EPS8L2: variants seen among roughly 807,000 people sequenced by gnomAD.
EPS8L2 encodes EPS8 signaling adaptor L2.
A neutral mutation model predicts 99.4 loss-of-function variants in EPS8L2; 81 were observed. The ratio of observed to expected loss-of-function variants is 0.82; its 90% CI spans 0.68 to 0.98. EPS8L2 has a LOEUF of 0.98. EPS8L2 is among the 50% of genes least tolerant of loss of function. The probability of loss-of-function intolerance (pLI) is 0.00; values close to 1 mark genes in which losing one functional copy is unlikely to be tolerated. For missense variants in EPS8L2, 1,155 were observed against 968.8 expected (o/e 1.19, Z -2.55); for synonymous variants, 509 against 407.3 (o/e 1.25, Z -3.01).
intron 17 of EPS8L2, 47 bp from the exon 18 acceptor site, chr11:726,051 A>C (rs1370527772): frequency 1.9e-6 from 2 of 1,074,952 alleles, no homozygotes; most frequent in East Asian, 6.4e-5. Flanking sequence ...AGGTGCTGGG[A>C]GGCGGGGGCG....
rs777789035 is a variant in EPS8L2 at position 720,907 on chromosome 11, G to C, written c.555G>C (p.Leu185=). 1 of 1,453,874 alleles carries C rather than the reference G, an allele frequency of 6.9e-7. No homozygotes were observed. Among genetic ancestry groups the C allele is most frequent in the East Asian group, 2.6e-5 (1 of 38,802 alleles). 90.1% of individuals were successfully genotyped at this position (1,453,874 alleles called of 1,614,324 possible). A position where few individuals can be genotyped will look rare whatever the true frequency, so the allele number is the denominator to read the frequency against. Residue 185 remains leucine (L), a splice_region_variant and synonymous_variant, in exon 7 of 21, where the codon CTG becomes CTC. Coordinates refer to ENST00000318562, the MANE Select transcript of EPS8L2 (RefSeq NM_022772.4). ...GCAAGAAGATGCGGCCGCAGACCCTGAAGTAGGGCAGCGGGCGGAGCGGGG... is the reference window on the plus strand; with the variant it reads ...GCAAGAAGATGCGGCCGCAGACCCTCAAGTAGGGCAGCGGGCGGAGCGGGG... ...RLGKKMRPQT[L]KGHQEKIRQR...
rs372344960 is a variant in EPS8L2, at chr11:709,155, T to TCAACTGGGACGTGGGGC, written c.-78-148_-78-132dup. On this transcript the variant is annotated intron_variant, in intron 1 of 20. Transcript: ENST00000318562. ...GAGGCATGACGAGGCTGATCGACTG[T>TCAACTGGGACGTGGGGC]CAACTGGGACGTGGGGCCAACTGGG... 129,221 of 585,660 alleles carry TCAACTGGGACGTGGGGC rather than the reference T, an allele frequency of 0.22. 17,735 individuals are homozygous for TCAACTGGGACGTGGGGC. Among genetic ancestry groups the TCAACTGGGACGTGGGGC allele is most frequent in the African/African-American group, 0.45 (22,848 of 50,892 alleles). The allele number at this position is 585,660 out of a possible 1,614,324, so 36.3% of individuals were successfully genotyped here. A position where few individuals can be genotyped will look rare whatever the true frequency, so the allele number is the denominator to read the frequency against.
At chr11:711,892 A>C (rs1251566739) in intron 4 of EPS8L2, among the ~76,000 whole-genome samples, 4 of 152,028 alleles carry the variant, frequency 2.6e-5, no homozygotes, top group Non-Finnish European at 5.9e-5. Context: ...CTGAGGCAGG[A>C]GAATCACTGG....
In EPS8L2 at chr11:722,434, C is replaced by T. The variant is rs746329487; in HGVS notation, c.1093C>T (p.Arg365Cys). 3.6e-5 allele frequency: 58 copies of T among 1,613,276 alleles called. No individual in the cohort carries two copies. The highest frequency in any genetic ancestry group is 2.2e-4 in the East Asian group (10 of 44,892). ...VNTCSGPDIA[R>C]SVSCPLLSRD... ...CACCTGCAGTGGCCCAGACATCGCACGCTCCGTCTCCTGCCCACTGCTCTC... is the reference window on the plus strand; with the variant it reads ...CACCTGCAGTGGCCCAGACATCGCATGCTCCGTCTCCTGCCCACTGCTCTC... Residue 365 changes from arginine to cysteine, a missense_variant, in exon 13 of 21, where the codon CGC becomes TGC. Physicochemically the swap from Arg to Cys is radical, Grantham distance 180. Coordinates refer to ENST00000318562, the MANE Select transcript of EPS8L2 (RefSeq NM_022772.4).
At chr11:713,980 C>T (rs1337833716) in intron 4 of EPS8L2, among the ~76,000 whole-genome samples, 1 of 152,254 alleles carries the variant, frequency 6.6e-6, no homozygotes, top group Non-Finnish European at 1.5e-5. Flanking sequence ...TCAGGTGATC[C>T]ACCTGCCTCC....
chr11:707,959 G>A (rs973909288), intron 1 of EPS8L2, among the ~76,000 whole-genome samples: 1 of 152,110 alleles, frequency 6.6e-6, no homozygotes, highest in African/African-American at 2.4e-5. Context: ...CATTCTCCAC[G>A]GATAGATGGA....
In EPS8L2 at chr11:721,289, C is replaced by A; in HGVS notation, c.705C>A (p.Phe235Leu). The change falls in exon 9 of 21, where the codon TTC becomes TTA. Residue 235 changes from phenylalanine (F) to leucine (L), a missense_variant. Coordinates refer to ENST00000318562, the MANE Select transcript of EPS8L2 (RefSeq NM_022772.4). ...AGCCGCCGTGTCCCCCATCAGGTTT[C>A]CGCCGTCGGGAGTCGCAGGAGGAGC... ...GPQVPLSEPG[F>L]RRRESQEEPR... The A allele has an allele frequency of 6.5e-7, 1 of 1,540,540 alleles. No individual in the cohort carries two copies. Among genetic ancestry groups the A allele is most frequent in the Non-Finnish European group, 8.7e-7 (1 of 1,146,564 alleles).
At chr11:712,944 G>A (rs992136581) in intron 4 of EPS8L2, among the ~76,000 whole-genome samples, 1 of 152,204 alleles carries the variant, frequency 6.6e-6, no homozygotes, top group African/African-American at 2.4e-5. Context: ...TGCCCTCTTC[G>A]GGAGGAGCCT....
At chr11:723,683 G>C (rs981599026) in intron 15 of EPS8L2, among the ~76,000 whole-genome samples, 1 of 152,120 alleles carries the variant, frequency 6.6e-6, no homozygotes, top group Non-Finnish European at 1.5e-5. Context: ...GGGGCTGTTG[G>C]GACTGATTCA....
In EPS8L2 at chr11:721,561, C is replaced by A; in HGVS notation, c.769-4C>A. On this transcript the variant is annotated splice_region_variant and splice_polypyrimidine_tract_variant and intron_variant, in intron 9 of 20. Transcript: ENST00000318562. ...GGCTGACCCCTGACCCCCTCTGACC[C>A]CAGCAAATCCTCAACTGCGCCCTGG... The A allele has an allele frequency of 3.2e-6, 5 of 1,552,930 alleles. No individual in the cohort carries two copies. The South Asian group carries it at 6.0e-5, about 19-fold the overall frequency.
At chr11:710,031 C>A in intron 3 of EPS8L2, 1 of 347,108 alleles carries the variant, frequency 2.9e-6, no homozygotes, top group Non-Finnish European at 5.4e-6. Flanking sequence ...GGACAAGGTG[C>A]CTAGTCTGGA....
chr11:715,968 C>CTTTTTTTTTTTTTTT (rs150677634), intron 4 of EPS8L2, among the ~76,000 whole-genome samples: 1 of 91,540 alleles, frequency 1.1e-5, no homozygotes, highest in Non-Finnish European at 2.0e-5. Flanking sequence ...GATTATTTAT[C>CTTTTTTTTTTTTTTT]TTTTTTTTTT....
rs760285785 is a variant in EPS8L2 at position 720,214 on chromosome 11, C to T, written c.318C>T (p.Ile106=). The T allele has an allele frequency of 2.5e-5, 41 of 1,612,812 alleles. No individual in the cohort carries two copies. Among genetic ancestry groups the T allele is most frequent in the East Asian group, 6.7e-5 (3 of 44,878 alleles). The change falls in exon 5 of 21, where the codon ATC becomes ATT. Residue 106 remains isoleucine, a synonymous_variant. Coordinates refer to ENST00000318562, the MANE Select transcript of EPS8L2 (RefSeq NM_022772.4). ...VNDQSLRLLD[I]ESQEELEDFP... ...ACCAGTCGCTGCGGCTGCTGGACAT[C>T]GAGTCACAGGTGGGGCCCAGCGCCA...
chr11:715,022 C>G (rs1473974276), intron 4 of EPS8L2, among the ~76,000 whole-genome samples: 1 of 152,112 alleles, frequency 6.6e-6, no homozygotes, highest in Non-Finnish European at 1.5e-5. Context: ...GTGGGCAGAT[C>G]ACAAGGTCAG....
rs5789193 is a variant in EPS8L2, at chr11:720,978, G to GCCCGGCAGGGGAGGGGAGGAGC, written c.557+71_557+72insCGGCAGGGGAGGGGAGGAGCCC. 3.2e-3 allele frequency: 3,517 copies of GCCCGGCAGGGGAGGGGAGGAGC among 1,101,788 alleles called. 210 individuals carry two copies. Among genetic ancestry groups the GCCCGGCAGGGGAGGGGAGGAGC allele is most frequent in the Middle Eastern group, 4.1e-3 (14 of 3,430 alleles). 68.3% of individuals were successfully genotyped at this position (1,101,788 alleles called of 1,614,324 possible). On this transcript the variant is annotated intron_variant, in intron 7 of 20. Transcript: ENST00000318562. The stretch of plus-strand genomic sequence containing the variant: ...AGGAGCCCGGCAGGGGAGGGGAGGA[G>GCCCGGCAGGGGAGGGGAGGAGC]CCGGCAGGGGAGGGGAGGAGCCCGG...
intron 1 of EPS8L2, among the ~76,000 whole-genome samples, chr11:707,010 G>C (rs1399766645): frequency 1.3e-5 from 2 of 151,944 alleles, no homozygotes; most frequent in African/African-American, 4.8e-5. Flanking sequence ...TGGCAGGGGA[G>C]GGGGAGGCAG....
intron 19 of EPS8L2, 63 bp downstream of exon 19, chr11:726,547 C>T (rs1590058352): frequency 6.6e-7 from 1 of 1,508,332 alleles, no homozygotes; most frequent in African/African-American, 1.4e-5. Context: ...GCCGAAGGTG[C>T]GCAGCTGTCG....
At position 707,254 on chromosome 11, in the gene EPS8L2, T is replaced by C. The variant is rs1861750448; in HGVS notation, c.-79+966T>C. Among the ~76,000 whole-genome samples, 4 of 152,126 alleles carry C rather than the reference T, an allele frequency of 2.6e-5. No individual in the cohort carries two copies. In the South Asian group the frequency reaches 8.3e-4, roughly 32 times the overall value. ...TCGGTCTCCTTTCCCACCCTCAGCT[T>C]CCCCAGCTTATCCCTTCCTCCCTCA... On this transcript the variant is annotated intron_variant, in intron 1 of 20. Coordinates refer to ENST00000318562, the MANE Select transcript of EPS8L2 (RefSeq NM_022772.4).
At chr11:707,842 C>T (rs890791326) in intron 1 of EPS8L2, among the ~76,000 whole-genome samples, 1 of 152,152 alleles carries the variant, frequency 6.6e-6, no homozygotes, top group Non-Finnish European at 1.5e-5. Flanking sequence ...TGGTGTCTCG[C>T]CCAGGTGTGT....
Sources: gnomAD v4.1 joint callset for allele counts (sites outside exome capture counted in the v4.1 genomes callset) on GRCh38, gnomAD v4.1.1 for gene constraint, MANE v1.5 for transcripts, NCBI Gene and HGNC (gene_info 2026-07-23, HGNC 2026-07-21) for gene names.